ALOX12B: variants seen among roughly 807,000 people sequenced by gnomAD.
ALOX12B encodes the protein arachidonate 12-lipoxygenase, 12R-type.
In ALOX12B, 47 loss-of-function variants were observed where a neutral mutation model predicts 78.9. The observed-to-expected ratio is 0.60, with a 90% confidence interval of 0.47 to 0.76. The LOEUF (loss-of-function observed/expected upper bound fraction) is 0.76. ALOX12B is among the 30% of genes least tolerant of loss of function. ALOX12B has a pLI of 0.00. For missense variants in ALOX12B, 805 were observed against 922.6 expected (o/e 0.87, Z 1.65); for synonymous variants, 370 against 374.5 (o/e 0.99, Z 0.14).
rs750156655 is a variant in ALOX12B at position 8,080,924 on chromosome 17, G to T, written c.487C>A (p.Arg163Ser). Residue 163 changes from arginine (R) to serine (S), a missense_variant, in exon 4 of 15, where the codon CGC (arginine) becomes AGC (serine). Transcript: ENST00000647874. The surrounding 1 kb of genome is among the most constrained non-coding windows in gnomAD (Gnocchi z 4.8). Reference protein sequence around the residue: ...LPSYVHIPSYRPPVRRHRNPN... With the variant: ...LPSYVHIPSYSPPVRRHRNPN... ...TTGCGATGCCTCCGCACCGGAGGGCGGTAACTGGGAATGTGCACATAGCTG... is the reference window on the plus strand; with the variant it reads ...TTGCGATGCCTCCGCACCGGAGGGCTGTAACTGGGAATGTGCACATAGCTG... The T allele has an allele frequency of 1.9e-6, 3 of 1,613,904 alleles. No individual in the cohort carries two copies. Among genetic ancestry groups the T allele is most frequent in the South Asian group, 2.2e-5 (2 of 91,086 alleles).
intron 11 of ALOX12B, 69 bp from the exon 12 acceptor site, chr17:8,075,785 C>T: frequency 6.2e-7 from 1 of 1,613,570 alleles, no homozygotes; most frequent in Non-Finnish European, 8.5e-7. Context: ...CTTCTCCCAC[C>T]TCCCCCAGGG....
chr17:8,080,703 T>C lies in ALOX12B; in HGVS notation c.605A>G (p.Tyr202Cys). The stretch of plus-strand genomic sequence containing the variant: ...GAAGGAGGCCGTCTTGAGGAAGGAG[T>C]AGCGGAGATTTAAGTTCAGGAACTT... ...ATKFLNLNLRYSFLKTASFFV... is the reference protein window; with the variant it reads ...ATKFLNLNLRCSFLKTASFFV... Residue 202 changes from tyrosine (Y) to cysteine (C), a missense_variant, in exon 5 of 15, where the codon TAC becomes TGC. Transcript: ENST00000647874. This position sits in a 1 kb window ranked among gnomAD's most constrained non-coding sequence, Gnocchi z 4.8. 1.2e-6 allele frequency: 2 copies of C among 1,613,394 alleles called. No individual in the cohort carries two copies. Among genetic ancestry groups the C allele is most frequent in the Non-Finnish European group, 1.7e-6 (2 of 1,179,846 alleles).
At position 8,072,838 on chromosome 17, in the gene ALOX12B, T is replaced by C. The variant is rs1977008662; in HGVS notation, c.2039A>G (p.Asn680Ser). ...NQISHDIRQR[N>S]KCLPIPYYYL... ...GTAGTAGGGGATGGGAAGGCACTTG[T>C]TGCGCTGGCGGATGTCGTGTGAGAT... is the stretch of plus-strand genomic sequence containing the variant. Residue 680 changes from asparagine (N) to serine (S), a missense_variant, in exon 15 of 15, where the codon AAC becomes AGC. Coordinates refer to ENST00000647874, the MANE Select transcript of ALOX12B (RefSeq NM_001139.3). 6.2e-7 allele frequency: 1 copy of C among 1,614,228 alleles called. No individual in the cohort carries two copies. The highest frequency in any genetic ancestry group is 8.5e-7 in the Non-Finnish European group (1 of 1,180,042).
Position 8,079,920 on chromosome 17 carries a change from G to T in ALOX12B, c.776C>A (p.Ala259Glu). 6.2e-7 allele frequency: 1 copy of T among 1,612,792 alleles called. No homozygotes were observed. Among genetic ancestry groups the T allele is most frequent in the Non-Finnish European group, 8.5e-7 (1 of 1,179,648 alleles). The change falls in exon 7 of 15, where the codon GCA becomes GAA. Residue 259 changes from alanine (A) to glutamate (E), a missense_variant. Ala to Glu is a moderately radical substitution (Grantham distance 107, BLOSUM62 -1). Transcript: ENST00000647874. The surrounding 1 kb of genome is among the most constrained non-coding windows in gnomAD (Gnocchi z 6.4). ...VVSEYVAEHW[A>E]EDTFFGYQYL... ...CTGGTACCCAAAGAAGGTGTCCTCT[G>T]CCCAGTGCTCGGCCACGTACTCTGC...
In ALOX12B at chr17:8,080,179, G is replaced by A. The variant is rs1702405544; in HGVS notation, c.754+56C>T. On this transcript the variant is annotated intron_variant, in intron 6 of 14. Coordinates refer to ENST00000647874, the MANE Select transcript of ALOX12B (RefSeq NM_001139.3). The surrounding 1 kb of genome is among the most constrained non-coding windows in gnomAD (Gnocchi z 4.8). ...TGCCCCGAAGTCGGGGGCCTGCCTA[G>A]CACGCCGGAGACCGCCTGGCTCCCC... 6.3e-7 allele frequency: 1 copy of A among 1,585,042 alleles called. No homozygotes were observed. The highest frequency in any genetic ancestry group is 1.3e-5 in the African/African-American group (1 of 74,388).
At position 8,080,207 on chromosome 17, in the gene ALOX12B, G is replaced by A. The variant is rs572553055; in HGVS notation, c.754+28C>T. 13 of 1,608,274 alleles carry A rather than the reference G, an allele frequency of 8.1e-6. No individual in the cohort carries two copies. In the South Asian group the frequency reaches 1.3e-4, roughly 16 times the overall value. On this transcript the variant is annotated intron_variant, in intron 6 of 14. Transcript: ENST00000647874. The surrounding 1 kb of genome is among the most constrained non-coding windows in gnomAD (Gnocchi z 4.8). ...CGCCGGAGACCGCCTGGCTCCCCCT[G>A]CTCGATCCGGGACGCCCCATTCCAT...
chr17:8,085,632 A>G (rs1978294536), intron 2 of ALOX12B, among the ~76,000 whole-genome samples: 1 of 152,232 alleles, frequency 6.6e-6, no homozygotes, highest in Non-Finnish European at 1.5e-5. Flanking sequence ...GGCATCATAA[A>G]TAGGCCTCCT....
At chr17:8,076,086 C>T in intron 11 of ALOX12B, 89 bp downstream of exon 11, 2 of 1,557,876 alleles carry the variant, frequency 1.3e-6, no homozygotes, top group South Asian at 2.2e-5. Context: ...ACACCAGACC[C>T]ACACTCAGTT....
intron 1 of ALOX12B, among the ~76,000 whole-genome samples, chr17:8,086,485 C>T (rs1212523038): frequency 1.3e-5 from 2 of 152,208 alleles, no homozygotes; most frequent in Non-Finnish European, 2.9e-5. Context: ...TCTTCTCCCA[C>T]TCCCCTCTCC....
At chr17:8,084,176 G>A (rs1408083799) in intron 2 of ALOX12B, among the ~76,000 whole-genome samples, 1 of 151,826 alleles carries the variant, frequency 6.6e-6, no homozygotes, top group Non-Finnish European at 1.5e-5. Context: ...TTGAAAATAT[G>A]CCCAAATGTC....
At position 8,076,678 on chromosome 17, in the gene ALOX12B, A is replaced by G; in HGVS notation, c.1341T>C (p.Asn447=). Residue 447 remains asparagine, a synonymous_variant, in exon 10 of 15, where the codon AAT becomes AAC. Transcript: ENST00000647874. The part of the protein sequence containing the change: ...INSIGRAVLL[N]EGGLSAKGMS... ...TTACCTTGGCAGAGAGCCCCCCCTC[A>G]TTGAGGAGAACGGCCCGGCCAATGC... The G allele has an allele frequency of 6.4e-7, 1 of 1,551,422 alleles. No homozygotes were observed. The highest frequency in any genetic ancestry group is 2.0e-5 in the Admixed American group (1 of 51,012).
At position 8,079,673 on chromosome 17, in the gene ALOX12B, CT is replaced by C; in HGVS notation, c.927+95del. 6.5e-7 allele frequency: 1 copy of C among 1,542,712 alleles called. No homozygotes were observed. Among genetic ancestry groups the C allele is most frequent in the South Asian group, 1.2e-5 (1 of 83,594 alleles). On this transcript the variant is annotated intron_variant, in intron 7 of 14. Coordinates refer to ENST00000647874, the MANE Select transcript of ALOX12B (RefSeq NM_001139.3). The surrounding 1 kb of genome is among the most constrained non-coding windows in gnomAD (Gnocchi z 6.4). ...ACAGGGACGCGGGGTGCGGGCTTGCCTGGGACTGGCGCGGGCGCCGGAGGTG... is the reference window on the plus strand; with the variant it reads ...ACAGGGACGCGGGGTGCGGGCTTGCCGGGACTGGCGCGGGCGCCGGAGGTG...
At position 8,073,134 on chromosome 17, in the gene ALOX12B, A is replaced by G. The variant is rs1238606776; in HGVS notation, c.1926+14T>C. 1 of 1,613,520 alleles carries G rather than the reference A, an allele frequency of 6.2e-7. No individual in the cohort carries two copies. Among genetic ancestry groups the G allele is most frequent in the East Asian group, 2.2e-5 (1 of 44,872 alleles). ...CCCCTCCCTGTGCTCAGAGTCCCCCATCCCGTCTCGCACCCTGTCGTCAGG... is the reference window on the plus strand; with the variant it reads ...CCCCTCCCTGTGCTCAGAGTCCCCCGTCCCGTCTCGCACCCTGTCGTCAGG... On this transcript the variant is annotated intron_variant, in intron 14 of 14. Coordinates refer to ENST00000647874, the MANE Select transcript of ALOX12B (RefSeq NM_001139.3).
At chr17:8,082,454 G>A (rs1977235093) in intron 2 of ALOX12B, among the ~76,000 whole-genome samples, 1 of 152,168 alleles carries the variant, frequency 6.6e-6, no homozygotes, top group East Asian at 1.9e-4. Flanking sequence ...TATAAACACT[G>A]TGTTCAAGGA....
intron 8 of ALOX12B, 30 bp from the exon 9 acceptor site, chr17:8,077,223 T>C: frequency 5.7e-6 from 9 of 1,587,368 alleles, no homozygotes; most frequent in Non-Finnish European, 7.7e-6. Context: ...AAGGGTTGGG[T>C]GAGGGCAGAG....
chr17:8,082,899 C>G (rs1978288982), intron 2 of ALOX12B, among the ~76,000 whole-genome samples: 1 of 152,146 alleles, frequency 6.6e-6, no homozygotes, highest in African/African-American at 2.4e-5. Flanking sequence ...CTAAGAAGCA[C>G]CCTATGAGGC....
chr17:8,073,431 C>T, intron 13 of ALOX12B, 113 bp from the exon 14 acceptor site: 1 of 1,416,858 alleles, frequency 7.1e-7, no homozygotes, highest in East Asian at 2.4e-5. Flanking sequence ...CCGCCCTTGG[C>T]GCTGAGGCTG....
chr17:8,079,658 G>GGGGTGCGGGCTTGCCTGGGAC lies in ALOX12B; in HGVS notation c.927+90_927+110dup. On this transcript the variant is annotated intron_variant, in intron 7 of 14. Coordinates refer to ENST00000647874, the MANE Select transcript of ALOX12B (RefSeq NM_001139.3). The surrounding 1 kb of genome is among the most constrained non-coding windows in gnomAD (Gnocchi z 6.4). ...AGGGGTGGGACGGGGACAGGGACGC[G>GGGGTGCGGGCTTGCCTGGGAC]GGGTGCGGGCTTGCCTGGGACTGGC... 2 of 1,533,754 alleles carry GGGGTGCGGGCTTGCCTGGGAC rather than the reference G, an allele frequency of 1.3e-6. No homozygotes were observed. The highest frequency in any genetic ancestry group is 2.4e-5 in the South Asian group (2 of 82,686).
At chr17:8,078,787 G>T (rs1445482189) in intron 8 of ALOX12B, among the ~76,000 whole-genome samples, 1 of 151,890 alleles carries the variant, frequency 6.6e-6, no homozygotes, top group Non-Finnish European at 1.5e-5. Context: ...AGCCCATACC[G>T]GGCTTTTGTA....
Sources: gnomAD v4.1 joint callset for allele counts (sites outside exome capture counted in the v4.1 genomes callset) on GRCh38, gnomAD v4.1.1 for gene constraint, Gnocchi (gnomAD v3.1) non-coding constraint, MANE v1.5 for transcripts, NCBI Gene and HGNC (gene_info 2026-07-23, HGNC 2026-07-21) for gene names.